The following SLC16A12 variants were observed in gnomAD, a reference collection of about 807,000 sequenced individuals.
SLC16A12 encodes the protein solute carrier family 16 member 12.
In SLC16A12, 17 loss-of-function variants were observed where a neutral mutation model predicts 42.4. The ratio of observed to expected loss-of-function variants is 0.40; its 90% CI spans 0.27 to 0.60. The LOEUF (loss-of-function observed/expected upper bound fraction) is 0.60, where lower values mean the gene tolerates loss of function less well. SLC16A12 is among the 20% of genes least tolerant of loss of function. The probability of loss-of-function intolerance (pLI) is 0.42; values close to 1 mark genes in which losing one functional copy is unlikely to be tolerated. For synonymous variants in SLC16A12, 224 were observed against 229.4 expected, an observed-to-expected ratio of 0.98 and a Z score of 0.21; for missense variants, 544 against 623.0, an observed-to-expected ratio of 0.87 and a Z score of 1.35.
At position 89,526,961 on chromosome 10, in the gene SLC16A12, C is replaced by G. The variant is rs1014672987; in HGVS notation, c.-47+7540G>C. 3.9e-5 allele frequency among the ~76,000 whole-genome samples: 6 copies of G among 152,286 alleles called. No homozygotes were observed. The South Asian group carries it at 1.0e-3, about 26-fold the overall frequency. ...ACATCGGTCTGCCACCCATTGCCCT[C>G]ATGCCCTGTAACACAGCTCCAGAGG... On this transcript the variant is annotated intron_variant, in intron 2 of 7. Transcript: ENST00000371790.
intron 7 of SLC16A12, among the ~76,000 whole-genome samples, chr10:89,434,647 T>C (rs1236645130): frequency 6.6e-6 from 1 of 152,254 alleles, no homozygotes; most frequent in African/African-American, 2.4e-5. Context: ...TAATAGCTAA[T>C]AGCAGAAACT....
intron 2 of SLC16A12, among the ~76,000 whole-genome samples, chr10:89,487,975 T>C (rs1354114406): frequency 8.2e-6 from 1 of 121,808 alleles, no homozygotes; most frequent in Non-Finnish European, 1.6e-5. Context: ...TATATATATA[T>C]ATATATATAT....
At chr10:89,511,578 C>T (rs1327091272) in intron 2 of SLC16A12, among the ~76,000 whole-genome samples, 3 of 151,390 alleles carry the variant, frequency 2.0e-5, no homozygotes, top group Admixed American at 6.6e-5. Flanking sequence ...CAGGGCCTGT[C>T]GGAGGGTGGA....
intron 2 of SLC16A12, among the ~76,000 whole-genome samples, chr10:89,483,751 A>AAAAAAAT (rs1340674342): frequency 6.7e-6 from 1 of 148,982 alleles, no homozygotes. Context: ...AAAAAAAAAA[A>AAAAAAAT]AACAAAAAAA....
At position 89,432,928 on chromosome 10, in the gene SLC16A12, A is replaced by T; in HGVS notation, c.*136T>A. ...TGTGCTGTTTTCCCTTATAAATATTAATATGTTAACAAAACAATAATAATA... is the reference window on the plus strand; with the variant it reads ...TGTGCTGTTTTCCCTTATAAATATTTATATGTTAACAAAACAATAATAATA... On this transcript the variant is annotated 3_prime_UTR_variant, in exon 8 of 8. Transcript: ENST00000371790. 1.7e-6 allele frequency: 2 copies of T among 1,205,426 alleles called. No individual in the cohort carries two copies. The highest frequency in any genetic ancestry group is 2.3e-6 in the Non-Finnish European group (2 of 880,384). The allele number at this position is 1,205,426 out of a possible 1,614,324, so 74.7% of individuals were successfully genotyped here.
chr10:89,446,152 G>A (rs1486288108), intron 3 of SLC16A12, among the ~76,000 whole-genome samples: 1 of 152,208 alleles, frequency 6.6e-6, no homozygotes, highest in Non-Finnish European at 1.5e-5. Flanking sequence ...CAAAGTGACA[G>A]GGAGAATGGA....
At chr10:89,537,440 A>G (rs1049792138), upstream of SLC16A12, among the ~76,000 whole-genome samples, 2 of 152,146 alleles carry the variant, frequency 1.3e-5, no homozygotes, top group South Asian at 2.1e-4. Context: ...CTTTAACTAT[A>G]AATCTGAATT....
chr10:89,461,574 A>G (rs1842301026), intron 3 of SLC16A12, among the ~76,000 whole-genome samples: 1 of 152,216 alleles, frequency 6.6e-6, no homozygotes, highest in Admixed American at 6.5e-5. Flanking sequence ...ACTTAAAGCC[A>G]CATCACACCA....
At chr10:89,449,980 AT>A (rs1464752649) in intron 3 of SLC16A12, among the ~76,000 whole-genome samples, 1 of 152,278 alleles carries the variant, frequency 6.6e-6, no homozygotes, top group Non-Finnish European at 1.5e-5. Context: ...AAAAGAAAAC[AT>A]TTATGCAGCC....
chr10:89,463,188 A>G (rs974108027), intron 2 of SLC16A12: 1 of 152,238 alleles, frequency 6.6e-6, no homozygotes, highest in African/African-American at 2.4e-5. Context: ...ATAAGCTTCC[A>G]TTTTATTTGT....
intron 3 of SLC16A12, among the ~76,000 whole-genome samples, chr10:89,450,459 A>C (rs1842076835): frequency 6.6e-6 from 1 of 152,268 alleles, no homozygotes; most frequent in Non-Finnish European, 1.5e-5. Flanking sequence ...TGTCGTTTGT[A>C]GGGACATGGA....
At chr10:89,539,435 G>A (rs1179671993), upstream of SLC16A12, among the ~76,000 whole-genome samples, 1 of 152,092 alleles carries the variant, frequency 6.6e-6, no homozygotes, top group African/African-American at 2.4e-5. Flanking sequence ...AATAACACGT[G>A]TGTTAACTAA....
intron 7 of SLC16A12, among the ~76,000 whole-genome samples, chr10:89,433,935 T>G (rs538259750): frequency 6.6e-6 from 1 of 152,216 alleles, no homozygotes; most frequent in South Asian, 2.1e-4. Flanking sequence ...AAACCGGGCA[T>G]ATGATATGCA....
chr10:89,467,548 C>G (rs1842423232), intron 2 of SLC16A12, among the ~76,000 whole-genome samples: 1 of 151,976 alleles, frequency 6.6e-6, no homozygotes, highest in Non-Finnish European at 1.5e-5. Flanking sequence ...AAACAGGAAG[C>G]TAATATTGTT....
intron 3 of SLC16A12, among the ~76,000 whole-genome samples, chr10:89,447,100 T>C (rs1842016735): frequency 6.6e-6 from 1 of 152,080 alleles, no homozygotes; most frequent in South Asian, 2.1e-4. Flanking sequence ...AGCACCCAAA[T>C]TCATAAAGCA....
chr10:89,486,666 A>AGAAAGAAAGAAAGAAC (rs1564586002), intron 2 of SLC16A12, among the ~76,000 whole-genome samples: 3 of 113,072 alleles, frequency 2.7e-5, no homozygotes, highest in African/African-American at 1.2e-4. Flanking sequence ...AAAGAAAGAA[A>AGAAAGAAAGAAAGAAC]AGAAAGAAAG....
At chr10:89,438,579 C>T in intron 6 of SLC16A12, 25 bp downstream of exon 6, 2 of 1,608,630 alleles carry the variant, frequency 1.2e-6, no homozygotes, top group Non-Finnish European at 1.7e-6. Context: ...TGGTGGGGAA[C>T]CAATTGTGGT....
At position 89,443,756 on chromosome 10, in the gene SLC16A12, C is replaced by T. The variant is rs772199923; in HGVS notation, c.304G>A (p.Ala102Thr). 1.2e-6 allele frequency: 2 copies of T among 1,607,814 alleles called. No individual in the cohort carries two copies. Among genetic ancestry groups the T allele is most frequent in the East Asian group, 4.5e-5 (2 of 44,840 alleles). ...CCCTATCCTAGTAAGTAATACTCACCACAGAGCATGGTCACACAATCTACA... is the reference window on the plus strand; with the variant it reads ...CCCTATCCTAGTAAGTAATACTCACTACAGAGCATGGTCACACAATCTACA... ...SIVDCVTMLC[A>T]PLGSVVSNHL... is the part of the protein sequence containing the mutation. Residue 102 changes from alanine to threonine, a missense_variant and splice_region_variant, in exon 4 of 8, where the codon GCT (alanine) becomes ACT (threonine). Physicochemically the swap from Ala to Thr is moderately conservative, Grantham distance 58. Transcript: ENST00000371790.
At chr10:89,501,818 TTG>T (rs1420570684) in intron 2 of SLC16A12, among the ~76,000 whole-genome samples, 2 of 152,216 alleles carry the variant, frequency 1.3e-5, no homozygotes, top group Non-Finnish European at 2.9e-5. Context: ...CTATTTGAAG[TTG>T]TCTCATTTGC....
Sources: allele counts gnomAD v4.1 joint callset (sites outside exome capture counted in the v4.1 genomes callset), GRCh38; gene constraint gnomAD v4.1.1; transcripts MANE v1.5; gene names NCBI Gene and HGNC (gene_info 2026-07-23, HGNC 2026-07-21).